Variants in ZNF678 observed in about 807,000 individuals in gnomAD.
ZNF678 encodes zinc finger protein 678.
ZNF678 carries 5 observed loss-of-function variants against 3.0 expected under a neutral mutation model. The observed-to-expected ratio is 1.69, with a 90% CI of 0.88 to 3.56. ZNF678 has a LOEUF of 3.56. Among genes scored for constraint, ZNF678 ranks in the 30% most tolerant of loss-of-function variants. The pLI is 0.00. For missense variants in ZNF678, 593 were observed against 605.0 expected, an observed-to-expected ratio of 0.98 and a Z score of 0.21; for synonymous variants, 218 against 199.6, an observed-to-expected ratio of 1.09 and a Z score of -0.78.
intron 1 of ZNF678, among the ~76,000 whole-genome samples, chr1:227,637,144 G>A (rs1658698712): frequency 1.3e-5 from 2 of 152,300 alleles, no homozygotes; most frequent in Admixed American, 6.5e-5. Context: ...TCTGGAAGGG[G>A]TTGGTCTTAG....
rs1487085888 is a variant in ZNF678, at chr1:227,657,454, T to C, written c.*1626T>C. The C allele has an allele frequency of 6.6e-6, 1 of 151,942 alleles. No individual in the cohort carries two copies. Among genetic ancestry groups the C allele is most frequent in the Non-Finnish European group, 1.5e-5 (1 of 67,904 alleles). The allele number at this position is 151,942 out of a possible 1,614,324, so 9.4% of individuals were successfully genotyped here. A position where few individuals can be genotyped will look rare whatever the true frequency, so the allele number is the denominator to read the frequency against. ...ATAGGTTATATTTTTATTTTTTTCT[T>C]TTGTAAATACTGGACAATGATACTC... On this transcript the variant is annotated 3_prime_UTR_variant, in exon 4 of 4. Transcript: ENST00000343776.
downstream of ZNF678, among the ~76,000 whole-genome samples, chr1:227,663,910 C>T (rs978586897): frequency 6.6e-6 from 1 of 152,188 alleles, no homozygotes; most frequent in African/African-American, 2.4e-5. Flanking sequence ...CACCCAAGCC[C>T]AGTGCTAGAT....
At chr1:227,632,139 A>G (rs1386686159) in intron 1 of ZNF678, among the ~76,000 whole-genome samples, 1 of 152,206 alleles carries the variant, frequency 6.6e-6, no homozygotes, top group Non-Finnish European at 1.5e-5. Flanking sequence ...TGGGTCCCAC[A>G]TAACTGCCTA....
intron 1 of ZNF678, among the ~76,000 whole-genome samples, chr1:227,636,518 A>G (rs1370691206): frequency 1.3e-5 from 2 of 152,144 alleles, no homozygotes; most frequent in Non-Finnish European, 1.5e-5. Flanking sequence ...TATTTAGCAT[A>G]TATATAGAAG....
In ZNF678 at chr1:227,659,417, T is replaced by G. The variant is rs923083049; in HGVS notation, c.*3589T>G. The G allele has an allele frequency of 6.6e-6, 1 of 152,172 alleles. No individual in the cohort carries two copies. The highest frequency in any genetic ancestry group is 1.5e-5 in the Non-Finnish European group (1 of 68,022). 9.4% of individuals were successfully genotyped at this position (152,172 alleles called of 1,614,324 possible). ...TTTGGATGCAAACCTGATTTCTGTGTTCACACCATGGCCAGAGATGGGACT... is the reference window on the plus strand; with the variant it reads ...TTTGGATGCAAACCTGATTTCTGTGGTCACACCATGGCCAGAGATGGGACT... On this transcript the variant is annotated 3_prime_UTR_variant, in exon 4 of 4. Transcript: ENST00000343776.
chr1:227,677,520 T>G (rs1659704004), downstream of ZNF678: 1 of 152,280 alleles, frequency 6.6e-6, no homozygotes, highest in South Asian at 2.1e-4. Flanking sequence ...GAAGTTAATA[T>G]GGCTGGGATG....
Position 227,646,574 on chromosome 1 carries a change from G to A in ZNF678, c.-133G>A. The A allele has an allele frequency of 7.3e-7, 1 of 1,371,868 alleles. No homozygotes were observed. The highest frequency in any genetic ancestry group is 1.5e-5 in the African/African-American group (1 of 67,884). 85.0% of individuals were successfully genotyped at this position (1,371,868 alleles called of 1,614,324 possible). A position where few individuals can be genotyped will look rare whatever the true frequency, so the allele number is the denominator to read the frequency against. On this transcript the variant is annotated 5_prime_UTR_variant, in exon 2 of 4. An upstream open reading frame in the 5' UTR loses its in-frame stop. Transcript: ENST00000343776. The stretch of plus-strand genomic sequence containing the variant: ...ACTGGCATTCAGTGATGTGGTCATA[G>A]AATTCTCTCCAGAGGAGTGGGCATG...
At chr1:227,567,557 A>G (rs1656723290) in intron 1 of ZNF678, among the ~76,000 whole-genome samples, 1 of 152,210 alleles carries the variant, frequency 6.6e-6, no homozygotes, top group African/African-American at 2.4e-5. Flanking sequence ...CCATAGGCAG[A>G]TGCAAATGTA....
At chr1:227,643,863 C>CTTTTTTTTTTTT (rs554280668) in intron 1 of ZNF678, among the ~76,000 whole-genome samples, 3 of 115,378 alleles carry the variant, frequency 2.6e-5, no homozygotes, top group Non-Finnish European at 5.2e-5. Flanking sequence ...CTTTTCTTTT[C>CTTTTTTTTTTTT]TTTTTTTTTT....
downstream of ZNF678, chr1:227,677,479 A>T (rs944829078): frequency 1.3e-5 from 2 of 152,238 alleles, no homozygotes; most frequent in African/African-American, 4.8e-5. Flanking sequence ...GGAAAAATCT[A>T]AAAGGAAAAC....
chr1:227,564,099 G>A (rs1656607615), intron 1 of ZNF678, among the ~76,000 whole-genome samples: 2 of 152,242 alleles, frequency 1.3e-5, no homozygotes, highest in South Asian at 4.1e-4. Flanking sequence ...GCTTTGAAGA[G>A]TTTGAGGAAA....
At chr1:227,671,585 C>G (rs1416532891) in intron 5 of ZNF678, among the ~76,000 whole-genome samples, 14 of 152,206 alleles carry the variant, frequency 9.2e-5, no homozygotes, top group African/African-American at 3.4e-4. Flanking sequence ...GTTCCCTGAA[C>G]TTCCAGCCAT....
intron 1 of ZNF678, among the ~76,000 whole-genome samples, chr1:227,627,811 T>C (rs1658453640): frequency 6.6e-6 from 1 of 152,242 alleles, no homozygotes; most frequent in Admixed American, 6.5e-5. Flanking sequence ...ATACCCCGCC[T>C]TTCGAAGTCC....
At chr1:227,601,324 G>C (rs1657732121) in intron 1 of ZNF678, among the ~76,000 whole-genome samples, 1 of 152,134 alleles carries the variant, frequency 6.6e-6, no homozygotes, top group Non-Finnish European at 1.5e-5. Flanking sequence ...GCTTCGGGCA[G>C]TATGACCATT....
rs139779178 is a variant in ZNF678, at chr1:227,629,232, C to T, written c.-163-17312C>T. On this transcript the variant is annotated intron_variant, in intron 1 of 3. Coordinates refer to ENST00000343776, the MANE Select transcript of ZNF678 (RefSeq NM_001367909.1). The stretch of plus-strand genomic sequence containing the variant: ...GGTAGGGAAAGGAGGTGGAATCCTT[C>T]AGTTTAACTTGAAGGGAATGGGCAT... Among the ~76,000 whole-genome samples, 703 of 152,244 alleles carry T rather than the reference C, an allele frequency of 4.6e-3. 19 individuals are homozygous for T. In the South Asian group the frequency reaches 0.057, roughly 12 times the overall value.
rs546170921 is a variant in ZNF678 at position 227,628,902 on chromosome 1, AT to A, written c.-163-17640del. ...GAAGGATCTTCAAAGGCAAACAAGA[AT>A]TGAGAGTCAGGATGTACAGGGATGC... On this transcript the variant is annotated intron_variant, in intron 1 of 3. Coordinates refer to ENST00000343776, the MANE Select transcript of ZNF678 (RefSeq NM_001367909.1). Among the ~76,000 whole-genome samples the A allele has an allele frequency of 1.6e-4, 24 of 152,308 alleles. No homozygotes were observed. In the South Asian group the frequency reaches 2.3e-3, roughly 14 times the overall value.
chr1:227,590,434 G>C (rs1657381608), intron 1 of ZNF678, among the ~76,000 whole-genome samples: 1 of 151,704 alleles, frequency 6.6e-6, no homozygotes, highest in South Asian at 2.1e-4. Context: ...AGTTTTATTA[G>C]TGATAATCTC....
intron 5 of ZNF678, among the ~76,000 whole-genome samples, chr1:227,671,074 C>CTTTTTTTTTTTTTTTTT (rs200510182): frequency 1.7e-5 from 2 of 120,554 alleles, no homozygotes; most frequent in Non-Finnish European, 3.3e-5. Context: ...AGTGGATCAC[C>CTTTTTTTTTTTTTTTTT]TTTTTTTTTT....
chr1:227,678,197 A>C (rs903484936), downstream of ZNF678, among the ~76,000 whole-genome samples: 1 of 152,162 alleles, frequency 6.6e-6, no homozygotes, highest in African/African-American at 2.4e-5. Flanking sequence ...GCCTGGGTCG[A>C]ATTGGTCAAA....
Sources: allele counts gnomAD v4.1 joint callset (sites outside exome capture counted in the v4.1 genomes callset), GRCh38; gene constraint gnomAD v4.1.1; transcripts MANE v1.5; gene names NCBI Gene and HGNC (gene_info 2026-07-23, HGNC 2026-07-21).